The following PRKG1 variants were observed in gnomAD, a reference collection of about 807,000 sequenced individuals.
PRKG1 encodes the protein cGMP-dependent protein kinase 1.
A neutral mutation model predicts 88.1 loss-of-function variants in PRKG1; 35 were observed. The observed-to-expected ratio is 0.40, with a 90% CI of 0.30 to 0.53. The LOEUF is 0.53. Among genes scored for constraint, PRKG1 ranks in the 20% least tolerant of loss-of-function variants. PRKG1 has a pLI of 0.59. For synonymous variants in PRKG1, 303 were observed against 292.5 expected (o/e 1.04, Z -0.37); for missense variants, 540 against 839.8 (o/e 0.64, Z 4.41).
At chr10:51,564,160 G>A (rs746629438) in intron 3 of PRKG1, among the ~76,000 whole-genome samples, 7 of 151,122 alleles carry the variant, frequency 4.6e-5, no homozygotes, top group South Asian at 2.1e-4. Flanking sequence ...TACCTACTAC[G>A]TGCTGGGTAC....
At position 51,481,168 on chromosome 10, in the gene PRKG1, C is replaced by T. The variant is rs1840344351; in HGVS notation, c.592+13332C>T. Among the ~76,000 whole-genome samples, 3 of 151,930 alleles carry T rather than the reference C, an allele frequency of 2.0e-5. No individual in the cohort carries two copies. In the South Asian group the frequency reaches 6.2e-4, roughly 32 times the overall value. The stretch of plus-strand genomic sequence containing the variant: ...TTCTTTAGCATGAGGCTATTTTACT[C>T]TTCAGTCTCTCCCTCCTTCCCTCCC... On this transcript the variant is annotated intron_variant, in intron 3 of 17. Transcript: ENST00000373980.
chr10:51,542,961 T>C (rs2132114464), intron 3 of PRKG1, among the ~76,000 whole-genome samples: 1 of 152,284 alleles, frequency 6.6e-6, no homozygotes, highest in South Asian at 2.1e-4. Flanking sequence ...TGGGGGACAT[T>C]GAGTGTTTTA....
At chr10:51,306,812 T>A (rs1019906812) in intron 2 of PRKG1, 7 of 152,202 alleles carry the variant, frequency 4.6e-5, no homozygotes, top group Admixed American at 3.3e-4. Context: ...AAAAGTTATG[T>A]GATTTTACTA....
chr10:52,147,366 C>T (rs1284872839), intron 8 of PRKG1, among the ~76,000 whole-genome samples: 3 of 152,150 alleles, frequency 2.0e-5, no homozygotes, highest in Non-Finnish European at 4.4e-5. Flanking sequence ...TTCTCAGCAT[C>T]CAAATATGAT....
In PRKG1 at chr10:52,293,895, T is replaced by C. The variant is rs1037296321; in HGVS notation, c.2056T>C (p.Phe686Leu). The change falls in exon 18 of 18, where the codon TTC (phenylalanine) becomes CTC (leucine). Residue 686 changes from phenylalanine to leucine, a missense_variant. This residue lies in a region of PRKG1 where 26 missense variants were observed against 18.4 expected (regional missense o/e 1.41). Coordinates refer to ENST00000373980, the MANE Select transcript of PRKG1 (RefSeq NM_006258.4). ...PDDNSGWDID[F>L] ...TGACAACTCAGGATGGGATATAGAC[T>C]TCTAATGTATTTCTCTTACCTGCTT... The C allele has an allele frequency of 6.2e-7, 1 of 1,607,214 alleles. No homozygotes were observed. Among genetic ancestry groups the C allele is most frequent in the African/African-American group, 1.3e-5 (1 of 74,834 alleles).
In PRKG1 at chr10:52,102,189, G is replaced by T. The variant is rs368225427; in HGVS notation, c.936-31651G>T. 2.6e-5 allele frequency among the ~76,000 whole-genome samples: 4 copies of T among 151,818 alleles called. 1 individual carries two copies. Among genetic ancestry groups the T allele is most frequent in the African/African-American group, 9.7e-5 (4 of 41,328 alleles). On this transcript the variant is annotated intron_variant, in intron 7 of 17. Coordinates refer to ENST00000373980, the MANE Select transcript of PRKG1 (RefSeq NM_006258.4). ...GCCTTTTTACAGTTTTTTTTGTTTT[G>T]TTTTTTGTTGTTTACATTGGACAAT... is the stretch of plus-strand genomic sequence containing the variant.
At chr10:51,407,960 G>T (rs1837968741) in intron 2 of PRKG1, among the ~76,000 whole-genome samples, 1 of 151,394 alleles carries the variant, frequency 6.6e-6, no homozygotes, top group African/African-American at 2.4e-5. Flanking sequence ...TCAGTTCAAT[G>T]GAATCATTAT....
intron 1 of PRKG1, among the ~76,000 whole-genome samples, chr10:51,124,757 A>T (rs1175191409): frequency 6.6e-6 from 1 of 152,190 alleles, no homozygotes. Flanking sequence ...AAAAACGGGG[A>T]AACTCCAAAC....
chr10:51,484,363 T>A (rs1405519688), intron 3 of PRKG1, among the ~76,000 whole-genome samples: 1 of 152,204 alleles, frequency 6.6e-6, no homozygotes, highest in African/African-American at 2.4e-5. Flanking sequence ...TTTATTTACT[T>A]TTTAAAAGAC....
At chr10:51,766,878 CT>C (rs1564638636) in intron 3 of PRKG1, among the ~76,000 whole-genome samples, 1 of 152,134 alleles carries the variant, frequency 6.6e-6, no homozygotes, top group Non-Finnish European at 1.5e-5. Flanking sequence ...CTCTTTTGTA[CT>C]TTCCAAATGT....
intron 2 of PRKG1, among the ~76,000 whole-genome samples, chr10:51,435,334 C>T (rs370735135): frequency 1.3e-4 from 20 of 151,464 alleles, no homozygotes; most frequent in African/African-American, 4.6e-4. Context: ...GTTTGCATTT[C>T]CTGAACTTCA....
intron 3 of PRKG1, among the ~76,000 whole-genome samples, chr10:51,709,997 G>T (rs761479281): frequency 2.0e-5 from 3 of 152,152 alleles, no homozygotes; most frequent in African/African-American, 7.2e-5. Flanking sequence ...ATATATATCA[G>T]CATGTATTTT....
chr10:51,502,121 C>T (rs184885892), intron 3 of PRKG1, among the ~76,000 whole-genome samples: 62 of 152,184 alleles, frequency 4.1e-4, no homozygotes, highest in African/African-American at 1.5e-3. Context: ...TGTCTGAATC[C>T]GTATTAGGAA....
chr10:51,551,412 C>G (rs563722822), intron 3 of PRKG1, among the ~76,000 whole-genome samples: 1 of 151,684 alleles, frequency 6.6e-6, no homozygotes, highest in Non-Finnish European at 1.5e-5. Context: ...TATAATACAA[C>G]CATTTGATAT....
intron 2 of PRKG1, among the ~76,000 whole-genome samples, chr10:51,412,215 A>AGAGAGAGAGAGAGAGAGAG (rs1564483266): frequency 5.0e-5 from 6 of 120,196 alleles, no homozygotes; most frequent in African/African-American, 1.6e-4. Flanking sequence ...GAGAGAGAGA[A>AGAGAGAGAGAGAGAGAGAG]AGAAAGAGAG....
At chr10:51,979,071 A>T (rs939955196) in intron 5 of PRKG1, among the ~76,000 whole-genome samples, 1 of 152,082 alleles carries the variant, frequency 6.6e-6, no homozygotes, top group Non-Finnish European at 1.5e-5. Context: ...GCTTTTTCCC[A>T]TTCAGCATAA....
At chr10:51,948,871 T>C (rs1279763319) in intron 5 of PRKG1, among the ~76,000 whole-genome samples, 1 of 152,236 alleles carries the variant, frequency 6.6e-6, no homozygotes, top group Non-Finnish European at 1.5e-5. Context: ...TTATAGTTAA[T>C]TCTTTAAAAC....
intron 2 of PRKG1, among the ~76,000 whole-genome samples, chr10:51,228,531 A>G (rs184853912): frequency 5.5e-4 from 83 of 152,288 alleles, no homozygotes; most frequent in Admixed American, 1.3e-3. Flanking sequence ...TTTTTACTGC[A>G]TCTTTAGATT....
intron 2 of PRKG1, among the ~76,000 whole-genome samples, chr10:51,428,112 G>C (rs1490959627): frequency 2.0e-5 from 3 of 152,212 alleles, no homozygotes; most frequent in Admixed American, 6.5e-5. Flanking sequence ...AATTGATGTT[G>C]AGTTAGCTGC....
Sources: allele counts gnomAD v4.1 joint callset (sites outside exome capture counted in the v4.1 genomes callset), GRCh38; gene constraint gnomAD v4.1.1; regional missense constraint gnomAD v4.1.1; transcripts MANE v1.5; gene names NCBI Gene and HGNC (gene_info 2026-07-23, HGNC 2026-07-21).